SETD1B: variants seen among roughly 807,000 people sequenced by gnomAD.
SETD1B encodes the protein histone-lysine N-methyltransferase SETD1B.
A neutral mutation model predicts 148.0 loss-of-function variants in SETD1B; 7 were observed. The ratio of observed to expected loss-of-function variants is 0.05; its 90% CI spans 0.03 to 0.09. The LOEUF (loss-of-function observed/expected upper bound fraction) is 0.09. SETD1B is among the 10% of genes least tolerant of loss of function. The pLI, the probability that SETD1B is intolerant of heterozygous loss-of-function variation, is 1.00. For missense variants in SETD1B, 2,155 were observed against 2,729.9 expected, an observed-to-expected ratio of 0.79 and a Z score of 4.69; for synonymous variants, 1,361 against 1,186.5, an observed-to-expected ratio of 1.15 and a Z score of -3.02.
At position 121,819,546 on chromosome 12, in the gene SETD1B, G is replaced by T; in HGVS notation, c.3561G>T (p.Glu1187Asp). The part of the protein sequence containing the change: ...DEEEVVAREE[E>D]EEEEEEEMVA... ...AGGAGGTAGTGGCCAGGGAAGAGGA[G>T]GAAGAAGAGGAGGAGGAGGAGATGG... Residue 1187 changes from glutamate (E) to aspartate (D), a missense_variant, in exon 11 of 17, where the codon GAG becomes GAT. Around this residue, in one of 11 missense-constraint regions of SETD1B, gnomAD observed 862 missense variants for 873.8 expected, o/e 0.99. Transcript: ENST00000604567. 6.4e-7 allele frequency: 1 copy of T among 1,551,590 alleles called. No homozygotes were observed. The highest frequency in any genetic ancestry group is 1.2e-5 in the South Asian group (1 of 84,054).
At chr12:121,820,044 C>G (rs962394874) in intron 11 of SETD1B, 149 bp downstream of exon 11, 3 of 692,114 alleles carry the variant, frequency 4.3e-6, no homozygotes, top group Non-Finnish European at 7.2e-6. Flanking sequence ...GTGCCTCCCT[C>G]GAGCGAGATG....
At chr12:121,793,930 C>T in the SETD1B span, 5 of 295,260 alleles carry the variant, frequency 1.7e-5, no homozygotes, top group Non-Finnish European at 3.1e-5. Flanking sequence ...TCGCGCCCCT[C>T]GCCGGCGAGA....
intron 7 of SETD1B, among the ~76,000 whole-genome samples, chr12:121,815,300 A>G (rs1182828277): frequency 1.3e-5 from 2 of 152,192 alleles, no homozygotes; most frequent in African/African-American, 2.4e-5. Flanking sequence ...GAATTAAAAC[A>G]GAGTAAAATT....
chr12:121,822,675 C>A lies in SETD1B; in HGVS notation c.4096C>A (p.Leu1366Ile), dbSNP rs995947787. The A allele has an allele frequency of 6.6e-5, 102 of 1,544,800 alleles. 1 individual carries two copies. The highest frequency in any genetic ancestry group is 8.4e-5 in the Non-Finnish European group (96 of 1,142,100). Residue 1366 changes from leucine to isoleucine, a missense_variant, in exon 12 of 17, where the codon CTC becomes ATC. Coordinates refer to ENST00000604567, the MANE Select transcript of SETD1B (RefSeq NM_001353345.2). Reference protein sequence around the residue: ...AEDHPPHTPGLCGSLAKSQST... With the variant: ...AEDHPPHTPGICGSLAKSQST... ...GGACCACCCCCCGCATACTCCAGGC[C>A]TCTGTGGCAGCCTGGCCAAGTCGCA...
At chr12:121,822,408 C>T (rs746138743) in intron 11 of SETD1B, 82 bp from the exon 12 acceptor site, 15 of 1,450,410 alleles carry the variant, frequency 1.0e-5, no homozygotes, top group Non-Finnish European at 1.4e-5. Context: ...TGTGAGCCTG[C>T]CAGGTATGGA....
chr12:121,797,857 C>T, the SETD1B span: 1 of 335,020 alleles, frequency 3.0e-6, no homozygotes, highest in Non-Finnish European at 5.9e-6. Flanking sequence ...ACAATGTGAA[C>T]CTCAATTTTT....
At chr12:121,798,894 G>A in the SETD1B span, among the ~76,000 whole-genome samples, 1 of 152,210 alleles carries the variant, frequency 6.6e-6, no homozygotes, top group Non-Finnish European at 1.5e-5. Context: ...GTCGGCTAGC[G>A]TTAGAATGAA....
rs978433355 is a variant in SETD1B, at chr12:121,823,852, A to G, written c.5170+103A>G. The G allele has an allele frequency of 4.9e-6, 7 of 1,422,368 alleles. No individual in the cohort carries two copies. The African/African-American group carries it at 5.7e-5, about 12-fold the overall frequency. 88.1% of individuals were successfully genotyped at this position (1,422,368 alleles called of 1,614,324 possible). ...CAGTCTGTAGCAGCCCGCGGTGCCC[A>G]TGAAGGTGACAGCATGCACCACCGT... On this transcript the variant is annotated intron_variant, in intron 12 of 16. Transcript: ENST00000604567.
intron 5 of SETD1B, among the ~76,000 whole-genome samples, chr12:121,809,358 C>G (rs568857526): frequency 3.9e-4 from 59 of 152,262 alleles, no homozygotes; most frequent in African/African-American, 1.3e-3. Context: ...TCTTTTTTCT[C>G]TGCCTCCTCT....
Position 121,817,558 on chromosome 12 carries a change from T to A in SETD1B, c.3166T>A (p.Ser1056Thr), listed in dbSNP as rs1876354900. The change falls in exon 9 of 17, where the codon TCA becomes ACA. Residue 1056 changes from serine to threonine, a missense_variant. This residue lies in a region of SETD1B where 862 missense variants were observed against 873.8 expected (regional missense o/e 0.99). Transcript: ENST00000604567. This position sits in a 1 kb window ranked among gnomAD's most constrained non-coding sequence, Gnocchi z 8.1. Reference protein sequence around the residue: ...SSSASSSSGSSTTSPSSSASD... With the variant: ...SSSASSSSGSTTTSPSSSASD... ...ATCCGCGTCATCATCCTCGGGGTCC[T>A]CAACCACCTCACCCTCGTCCTCGGC... is the stretch of plus-strand genomic sequence containing the variant. The A allele has an allele frequency of 9.7e-6, 15 of 1,551,394 alleles. No individual in the cohort carries two copies. Among genetic ancestry groups the A allele is most frequent in the African/African-American group, 5.5e-5 (4 of 73,152 alleles).
intron 5 of SETD1B, 142 bp from the exon 6 acceptor site, chr12:121,809,461 A>G: frequency 4.3e-6 from 4 of 924,322 alleles, no homozygotes; most frequent in Non-Finnish European, 6.3e-6. Flanking sequence ...CTCCTCCTCA[A>G]TCTCCCCCAC....
At chr12:121,797,684 G>A in the SETD1B span, 6 of 446,254 alleles carry the variant, frequency 1.3e-5, no homozygotes, top group Non-Finnish European at 2.3e-5. Context: ...ATCCAAAGCA[G>A]GTGGGGAGTA....
chr12:121,819,263 A>G, intron 10 of SETD1B, 141 bp from the exon 11 acceptor site: 2 of 1,421,960 alleles, frequency 1.4e-6, no homozygotes, highest in Non-Finnish European at 1.9e-6. Flanking sequence ...AAAGACTCCT[A>G]GTGAACACAT....
intron 13 of SETD1B, among the ~76,000 whole-genome samples, chr12:121,826,189 G>A (rs1876830909): frequency 6.6e-6 from 1 of 152,178 alleles, no homozygotes; most frequent in Non-Finnish European, 1.5e-5. Context: ...GAGATTATAG[G>A]TGTGAGCCAC....
chr12:121,812,030 C>T (rs1215384084), intron 6 of SETD1B, among the ~76,000 whole-genome samples: 1 of 152,180 alleles, frequency 6.6e-6, no homozygotes, highest in African/African-American at 2.4e-5. Flanking sequence ...GCTGAGAGGC[C>T]CGCAGTGGCT....
chr12:121,802,605 AAG>A (rs1342623805), upstream of SETD1B: 1 of 152,242 alleles, frequency 6.6e-6, no homozygotes, highest in Non-Finnish European at 1.5e-5. Context: ...ATAGAACAAA[AAG>A]AGGAAAAAAA....
At chr12:121,822,434 C>T in intron 11 of SETD1B, 56 bp from the exon 12 acceptor site, 1 of 1,479,486 alleles carries the variant, frequency 6.8e-7, no homozygotes. Flanking sequence ...AAATAAGGCA[C>T]TGAGAGACGT....
chr12:121,795,166 G>A, the SETD1B span: 10 of 152,206 alleles, frequency 6.6e-5, no homozygotes, highest in African/African-American at 9.7e-5. Context: ...GGAGGCCGGG[G>A]AGGCACCCCA....
chr12:121,799,740 G>T (rs1875228682), upstream of SETD1B: 1 of 109,008 alleles, frequency 9.2e-6, no homozygotes, highest in Non-Finnish European at 2.1e-5. Context: ...GTGGGGTGGG[G>T]CGGGGCCGCA....
Sources: gnomAD v4.1 joint callset for allele counts (sites outside exome capture counted in the v4.1 genomes callset) on GRCh38, gnomAD v4.1.1 for gene constraint, gnomAD v4.1.1 regional missense constraint, Gnocchi (gnomAD v3.1) non-coding constraint, MANE v1.5 for transcripts, NCBI Gene and HGNC (gene_info 2026-07-23, HGNC 2026-07-21) for gene names.